The following ZNF451 variants were observed in gnomAD, a reference collection of about 807,000 sequenced individuals.
ZNF451 encodes zinc finger protein 451.
Under a neutral mutation model 107.1 loss-of-function variants are expected in ZNF451, and 80 were observed. The ratio of observed to expected loss-of-function variants is 0.75; its 90% CI spans 0.62 to 0.90. The LOEUF (loss-of-function observed/expected upper bound fraction) is 0.90, where lower values mean the gene tolerates loss of function less well. ZNF451 is among the 40% of genes least tolerant of loss of function. ZNF451 has a pLI of 0.00. For missense variants in ZNF451, 1,107 were observed against 1,236.2 expected (o/e 0.90, Z 1.57); for synonymous variants, 362 against 406.5 (o/e 0.89, Z 1.32).
chr6:57,130,257 A>G (rs1831122277), intron 5 of ZNF451, among the ~76,000 whole-genome samples: 1 of 152,166 alleles, frequency 6.6e-6, no homozygotes, highest in Admixed American at 6.6e-5. Context: ...AAAAAATTAT[A>G]TGGCACTCCA....
At chr6:57,112,642 G>A (rs1830165101) in intron 3 of ZNF451, among the ~76,000 whole-genome samples, 1 of 152,172 alleles carries the variant, frequency 6.6e-6, no homozygotes, top group African/African-American at 2.4e-5. Context: ...GAGTGAGATA[G>A]GAAACTGGGT....
At chr6:57,109,097 T>A in intron 3 of ZNF451, 1 of 985,468 alleles carries the variant, frequency 1.0e-6, no homozygotes, top group Middle Eastern at 5.2e-4. Context: ...ATTAACTAAT[T>A]CCTGATTATT....
intron 2 of ZNF451, among the ~76,000 whole-genome samples, chr6:57,091,900 A>G (rs1038291293): frequency 4.0e-5 from 6 of 151,892 alleles, no homozygotes. Context: ...TGGTATTTTA[A>G]TAGATTTGTT....
At chr6:57,117,036 G>T (rs1830407219) in intron 3 of ZNF451, 1 of 152,130 alleles carries the variant, frequency 6.6e-6, no homozygotes, top group Non-Finnish European at 1.5e-5. Flanking sequence ...AGGGCTTGTG[G>T]GTCTTTTCAG....
chr6:57,098,669 A>T (rs1829441012), intron 2 of ZNF451, among the ~76,000 whole-genome samples: 1 of 152,332 alleles, frequency 6.6e-6, no homozygotes, highest in Non-Finnish European at 1.5e-5. Flanking sequence ...GCAGTGGTGG[A>T]TGATGAAGCT....
intron 2 of ZNF451, among the ~76,000 whole-genome samples, chr6:57,094,519 G>T (rs995684950): frequency 2.0e-4 from 30 of 152,114 alleles, no homozygotes; most frequent in Admixed American, 1.0e-3. Context: ...GCATGAGAAT[G>T]ATGGTTTACT....
intron 13 of ZNF451, among the ~76,000 whole-genome samples, chr6:57,154,754 T>A (rs114470522): frequency 0.028 from 4,192 of 152,282 alleles, 94 homozygotes; most frequent in Non-Finnish European, 0.038. Context: ...GATAGAATAA[T>A]TAATGTTTAA....
chr6:57,104,225 A>C, intron 3 of ZNF451: 2 of 985,424 alleles, frequency 2.0e-6, no homozygotes, highest in Non-Finnish European at 1.2e-6. Context: ...AGGCCTAAGA[A>C]ATCATACATT....
At chr6:57,168,303 T>G (rs973293271) in intron 14 of ZNF451, 120 bp from the exon 15 acceptor site, 1 of 664,048 alleles carries the variant, frequency 1.5e-6, no homozygotes, top group Non-Finnish European at 2.5e-6. Context: ...TTATCCTGTG[T>G]TTTTCCATTT....
At position 57,147,348 on chromosome 6, in the gene ZNF451, A is replaced by C; in HGVS notation, c.1263A>C (p.Gln421His). The C allele has an allele frequency of 6.8e-6, 11 of 1,614,114 alleles. No individual in the cohort carries two copies. Among genetic ancestry groups the C allele is most frequent in the Non-Finnish European group, 9.3e-6 (11 of 1,179,996 alleles). ...PSSDLHLLLD[Q>H]SKFSSLKRTM... ...CTGACTTGCATTTATTGTTGGATCA[A>C]TCAAAATTTTCATCACTTAAAAGAA... is the stretch of plus-strand genomic sequence containing the variant. The change falls in exon 10 of 15, where the codon CAA (glutamine) becomes CAC (histidine). Residue 421 changes from glutamine (Q) to histidine (H), a missense_variant. Coordinates refer to ENST00000370706, the MANE Select transcript of ZNF451 (RefSeq NM_001031623.3).
chr6:57,105,526 C>T, intron 3 of ZNF451: 5 of 985,192 alleles, frequency 5.1e-6, no homozygotes, highest in Non-Finnish European at 4.8e-6. Flanking sequence ...AAATGTACTC[C>T]CTTCTGAATG....
Position 57,133,148 on chromosome 6 carries a change from C to T in ZNF451, c.531C>T (p.Asn177=), listed in dbSNP as rs1294855754. Residue 177 remains asparagine, a synonymous_variant, in exon 6 of 15, where the codon AAC becomes AAT. Coordinates refer to ENST00000370706, the MANE Select transcript of ZNF451 (RefSeq NM_001031623.3). ...TTTTATGTCCTATAATGCACTGTAACAAGGAGTTTGACAATGGGCACCTTC... is the reference window on the plus strand; with the variant it reads ...TTTTATGTCCTATAATGCACTGTAATAAGGAGTTTGACAATGGGCACCTTC... The part of the protein sequence containing the change: ...KPILCPIMHC[N]KEFDNGHLLL... 2 of 1,614,064 alleles carry T rather than the reference C, an allele frequency of 1.2e-6. No homozygotes were observed. Among genetic ancestry groups the T allele is most frequent in the South Asian group, 2.2e-5 (2 of 91,074 alleles).
intron 13 of ZNF451, among the ~76,000 whole-genome samples, chr6:57,156,835 T>C (rs898264801): frequency 3.9e-5 from 6 of 152,150 alleles, no homozygotes; most frequent in Non-Finnish European, 8.8e-5. Flanking sequence ...GGGCATTAGA[T>C]TCTCATAAGG....
chr6:57,149,138 A>G (rs1448882451), intron 10 of ZNF451, among the ~76,000 whole-genome samples: 2 of 152,122 alleles, frequency 1.3e-5, no homozygotes, highest in Admixed American at 1.3e-4. Flanking sequence ...CAGCATTTGT[A>G]TATTTTTGTT....
intron 3 of ZNF451, chr6:57,108,937 G>C: frequency 1.0e-6 from 1 of 985,354 alleles, no homozygotes; most frequent in Non-Finnish European, 1.2e-6. Context: ...TCTCAATTCA[G>C]CATTATACTA....
At chr6:57,161,193 C>G (rs1404696170) in intron 14 of ZNF451, 41 bp downstream of exon 14, 4 of 1,219,690 alleles carry the variant, frequency 3.3e-6, no homozygotes, top group Non-Finnish European at 4.4e-6. Flanking sequence ...TTGACTGTAT[C>G]TGTATTTTTT....
chr6:57,107,600 C>T, intron 3 of ZNF451: 2 of 985,224 alleles, frequency 2.0e-6, no homozygotes, highest in South Asian at 9.4e-5. Context: ...TATAATACAG[C>T]TCTGATATAT....
chr6:57,092,186 A>G (rs532486035), intron 2 of ZNF451, among the ~76,000 whole-genome samples: 1 of 152,330 alleles, frequency 6.6e-6, no homozygotes, highest in Non-Finnish European at 1.5e-5. Flanking sequence ...TAGGAATGAC[A>G]TACTTCTTTA....
At chr6:57,152,438 G>C in intron 12 of ZNF451, 87 bp downstream of exon 12, 3 of 1,469,802 alleles carry the variant, frequency 2.0e-6, no homozygotes, top group Non-Finnish European at 2.8e-6. Context: ...GAGACTTATA[G>C]ATCATTCTTC....
Sources: gnomAD v4.1 joint callset for allele counts (sites outside exome capture counted in the v4.1 genomes callset) on GRCh38, gnomAD v4.1.1 for gene constraint, MANE v1.5 for transcripts, NCBI Gene and HGNC (gene_info 2026-07-23, HGNC 2026-07-21) for gene names.